RRP12: variants seen among roughly 807,000 people sequenced by gnomAD.
The protein encoded by RRP12 is ribosomal RNA processing 12 homolog.
RRP12 carries 78 observed loss-of-function variants against 157.3 expected under a neutral mutation model. That is an observed-to-expected ratio of 0.50 (90% CI 0.41 to 0.60). RRP12 has a LOEUF of 0.60. RRP12 is among the 20% of genes least tolerant of loss of function. The pLI, the probability that RRP12 is intolerant of heterozygous loss-of-function variation, is 0.00. For synonymous variants in RRP12, 726 were observed against 670.9 expected (o/e 1.08, Z -1.27); for missense variants, 1,521 against 1,679.9 (o/e 0.91, Z 1.65).
intron 20 of RRP12, chr10:97,371,796 G>A (rs1844162548): frequency 5.4e-6 from 2 of 371,510 alleles, no homozygotes; most frequent in Non-Finnish European, 1.0e-5. Context: ...TCTGGGATGG[G>A]CCTGGGGAGT....
intron 25 of RRP12, among the ~76,000 whole-genome samples, chr10:97,368,030 CTTTTTT>C (rs34307529): frequency 2.5e-5 from 3 of 119,216 alleles, no homozygotes; most frequent in African/African-American, 1.0e-4. Context: ...CTGTGCCTGG[CTTTTTT>C]TTTTTTTTTT....
At chr10:97,379,154 C>T (rs1324990714) in intron 15 of RRP12, 139 bp downstream of exon 15, 3 of 1,032,854 alleles carry the variant, frequency 2.9e-6, no homozygotes, top group South Asian at 2.9e-5. Context: ...CACTGGCTGG[C>T]CACCTGCTCG....
At chr10:97,390,204 C>T (rs951498915) in intron 6 of RRP12, among the ~76,000 whole-genome samples, 2 of 152,186 alleles carry the variant, frequency 1.3e-5, no homozygotes, top group African/African-American at 4.8e-5. Context: ...GCTGATGAGG[C>T]ACCAGAGACT....
At chr10:97,369,644 C>T in intron 24 of RRP12, 62 bp from the exon 25 acceptor site, 2 of 1,500,654 alleles carry the variant, frequency 1.3e-6, no homozygotes, top group East Asian at 5.0e-5. Flanking sequence ...CCAAACCTTC[C>T]CCACTGGAAA....
intron 15 of RRP12, among the ~76,000 whole-genome samples, chr10:97,375,726 C>T (rs1844286917): frequency 6.6e-6 from 1 of 151,970 alleles, no homozygotes; most frequent in Non-Finnish European, 1.5e-5. Context: ...CAAATTTTTC[C>T]TTTTTAATAT....
chr10:97,362,446 C>G (rs770352618), intron 30 of RRP12, among the ~76,000 whole-genome samples: 11 of 152,306 alleles, frequency 7.2e-5, no homozygotes, highest in Middle Eastern at 6.8e-3. Context: ...CACTAAGTGG[C>G]AAGCACTGTA....
chr10:97,358,691 G>T, intron 32 of RRP12, 72 bp from the exon 33 acceptor site: 2 of 1,189,278 alleles, frequency 1.7e-6, no homozygotes, highest in Non-Finnish European at 2.5e-6. Flanking sequence ...AGACTTGACA[G>T]GCCCCATAAC....
chr10:97,369,722 C>T (rs760410297), intron 24 of RRP12, 140 bp from the exon 25 acceptor site: 59 of 889,980 alleles, frequency 6.6e-5, no homozygotes, highest in Admixed American at 1.3e-4. Context: ...TGGTTCCAAT[C>T]ACGCTCCATG....
At chr10:97,369,666 A>G (rs1413574925) in intron 24 of RRP12, 84 bp from the exon 25 acceptor site, 15 of 1,392,188 alleles carry the variant, frequency 1.1e-5, no homozygotes, top group African/African-American at 1.4e-5. Context: ...CAGCCACTCA[A>G]GTGTCAGTAA....
At chr10:97,397,150 T>C (rs150678329) in intron 2 of RRP12, among the ~76,000 whole-genome samples, 4 of 151,268 alleles carry the variant, frequency 2.6e-5, no homozygotes, top group African/African-American at 9.8e-5. Context: ...TACTGTATTT[T>C]TGTTGTTGTT....
Position 97,359,009 on chromosome 10 carries a change from A to G in RRP12, c.3642T>C (p.Ala1214=), listed in dbSNP as rs1316949667. Residue 1214 remains alanine, a splice_region_variant and synonymous_variant, in exon 32 of 34, where the codon GCT becomes GCC. Transcript: ENST00000370992. ...EELEIPPQYQ[A]GGSGIHRPVA... ...CAGGGCGATGAATGCCAGAGCCTCC[A>G]GCTACGGGGAGAACACAGGACCATG... 8.1e-6 allele frequency: 13 copies of G among 1,613,414 alleles called. No homozygotes were observed. Among genetic ancestry groups the G allele is most frequent in the African/African-American group, 1.3e-5 (1 of 74,928 alleles).
chr10:97,387,600 G>A (rs529188492), intron 8 of RRP12, among the ~76,000 whole-genome samples: 1 of 151,506 alleles, frequency 6.6e-6, no homozygotes, highest in African/African-American at 2.4e-5. Context: ...GCTAGAAATG[G>A]TAGAAACACA....
chr10:97,366,636 C>A lies in RRP12; in HGVS notation c.3216-15G>T. On this transcript the variant is annotated splice_polypyrimidine_tract_variant and intron_variant, in intron 27 of 33. Transcript: ENST00000370992. ...TCTCCTCAATGCTAAGGACAAAAAG[C>A]CCCCAGTCAGAGTGCTCCCAGGAGA... The A allele has an allele frequency of 6.2e-7, 1 of 1,605,952 alleles. No individual in the cohort carries two copies. The highest frequency in any genetic ancestry group is 1.1e-5 in the South Asian group (1 of 90,336).
In RRP12 at chr10:97,373,657, G is replaced by T; in HGVS notation, c.1944C>A (p.Gly648=). The change falls in exon 17 of 34, where the codon GGC becomes GGA. Residue 648 remains glycine, a synonymous_variant. Coordinates refer to ENST00000370992, the MANE Select transcript of RRP12 (RefSeq NM_015179.4). ...ISFKGLARTL[G]MAISERPDLR... ...GGTCTGGACGCTCGCTGATGGCCAT[G>T]CCCAGCGTCCGTGCCAGCCCTTTGA... The T allele has an allele frequency of 6.2e-7, 1 of 1,613,904 alleles. No individual in the cohort carries two copies. The highest frequency in any genetic ancestry group is 8.5e-7 in the Non-Finnish European group (1 of 1,179,930).
Position 97,385,254 on chromosome 10 carries a change from G to A in RRP12, c.1120C>T (p.Leu374=). 6.2e-7 allele frequency: 1 copy of A among 1,613,396 alleles called. No homozygotes were observed. The highest frequency in any genetic ancestry group is 1.3e-5 in the African/African-American group (1 of 75,042). The change falls in exon 10 of 34, where the codon CTG becomes TTG. Residue 374 remains leucine, a synonymous_variant. Coordinates refer to ENST00000370992, the MANE Select transcript of RRP12 (RefSeq NM_015179.4). ...AELNAQIITA[L]YDYVPSENDL... ...TTCTCACTGGGAACATAGTCGTACA[G>A]GGCCTAAAAGTGGGAATAAGCAGGT...
At chr10:97,360,845 G>C (rs1843824742) in intron 30 of RRP12, among the ~76,000 whole-genome samples, 1 of 152,180 alleles carries the variant, frequency 6.6e-6, no homozygotes. Flanking sequence ...TGTCCTGACT[G>C]CCGGGCTGGT....
At chr10:97,381,865 C>T (rs1388820652) in intron 10 of RRP12, 39 bp from the exon 11 acceptor site, 5 of 1,510,308 alleles carry the variant, frequency 3.3e-6, no homozygotes, top group Non-Finnish European at 4.6e-6. Context: ...CTGGCCTGAG[C>T]CCTGGGGACC....
chr10:97,363,792 G>A, intron 30 of RRP12, 62 bp downstream of exon 30: 1 of 1,418,326 alleles, frequency 7.1e-7, no homozygotes, highest in Non-Finnish European at 1.0e-6. Context: ...GTGGGGGTGA[G>A]AAGCTGTGGA....
Position 97,370,225 on chromosome 10 carries a change from C to T in RRP12, c.2739G>A (p.Ala913=), listed in dbSNP as rs1015625941. 9.3e-6 allele frequency: 15 copies of T among 1,606,148 alleles called. No homozygotes were observed. Among genetic ancestry groups the T allele is most frequent in the South Asian group, 3.4e-5 (3 of 89,420 alleles). ...GGATGCTGCAGCTGACCATGGTCAC[C>T]GCGCCCACCAGGCCAGGGTAGATCA... ...LVLIYPGLVG[A]VTMVSCSILA... The change falls in exon 24 of 34, where the codon GCG becomes GCA. Residue 913 remains alanine, a synonymous_variant. Transcript: ENST00000370992.
Sources: gnomAD v4.1 joint callset for allele counts (sites outside exome capture counted in the v4.1 genomes callset) on GRCh38, gnomAD v4.1.1 for gene constraint, MANE v1.5 for transcripts, NCBI Gene and HGNC (gene_info 2026-07-23, HGNC 2026-07-21) for gene names.